OTUD7B: variants seen among roughly 807,000 people sequenced by gnomAD.
OTUD7B encodes OTU domain-containing protein 7B.
In OTUD7B, 34 loss-of-function variants were observed where a neutral mutation model predicts 82.2. The ratio of observed to expected loss-of-function variants is 0.41; its 90% CI spans 0.31 to 0.55. OTUD7B has a LOEUF of 0.55. Ranked by LOEUF, OTUD7B falls within the 20% of genes least tolerant of loss-of-function variation. OTUD7B has a pLI of 0.20. For synonymous variants in OTUD7B, 398 were observed against 402.7 expected, an observed-to-expected ratio of 0.99 and a Z score of 0.14; for missense variants, 944 against 1,062.1, an observed-to-expected ratio of 0.89 and a Z score of 1.55.
chr1:149,998,154 A>C (rs1652039286), intron 1 of OTUD7B, among the ~76,000 whole-genome samples: 1 of 152,118 alleles, frequency 6.6e-6, no homozygotes, highest in South Asian at 2.1e-4. Context: ...AATTCCCCTT[A>C]TCTCTCTTCA....
At position 149,965,760 on chromosome 1, in the gene OTUD7B, C is replaced by T. The variant is rs2101817519; in HGVS notation, c.604+17G>A. The T allele has an allele frequency of 6.3e-7, 1 of 1,582,628 alleles. No homozygotes were observed. Among genetic ancestry groups the T allele is most frequent in the East Asian group, 2.2e-5 (1 of 44,720 alleles). On this transcript the variant is annotated intron_variant, in intron 5 of 11. Coordinates refer to ENST00000581312, the MANE Select transcript of OTUD7B (RefSeq NM_020205.4). Reference sequence around the variant, plus strand: ...TTCCTTTCTGCAGGTGAATGGAGGACTGCTTTCAAGACTCACCAAGGGAGG... The same window carrying T: ...TTCCTTTCTGCAGGTGAATGGAGGATTGCTTTCAAGACTCACCAAGGGAGG...
the OTUD7B span, among the ~76,000 whole-genome samples, chr1:150,037,341 C>T: frequency 6.6e-6 from 1 of 150,792 alleles, no homozygotes; most frequent in African/African-American, 2.4e-5. Flanking sequence ...AAGCATTTGC[C>T]TTGTATAAAC....
intron 4 of OTUD7B, among the ~76,000 whole-genome samples, chr1:149,966,549 C>T (rs1432515267): frequency 6.6e-6 from 1 of 152,122 alleles, no homozygotes. Context: ...GAAAATAAGT[C>T]TTAATTCCAT....
At chr1:149,995,258 T>C (rs971567261) in intron 1 of OTUD7B, among the ~76,000 whole-genome samples, 1 of 152,186 alleles carries the variant, frequency 6.6e-6, no homozygotes, top group Non-Finnish European at 1.5e-5. Context: ...CTAAATTGAT[T>C]AGCTTTCCAA....
At chr1:149,946,232 G>A (rs7551741) in intron 11 of OTUD7B, among the ~76,000 whole-genome samples, 16,958 of 151,070 alleles carry the variant, frequency 0.11, 1,502 homozygotes, top group East Asian at 0.33. Context: ...ACATGGTGGC[G>A]GGCACCTGCA....
intron 7 of OTUD7B, among the ~76,000 whole-genome samples, chr1:149,950,949 G>A (rs1484663563): frequency 0.023 from 8 of 346 alleles, 1 homozygote; most frequent in Non-Finnish European, 0.065. Context: ...CCGCCACCTC[G>A]CCCGGTCTAA....
At chr1:150,044,500 TTA>T in the OTUD7B span, among the ~76,000 whole-genome samples, 1 of 151,714 alleles carries the variant, frequency 6.6e-6, no homozygotes, top group Non-Finnish European at 1.5e-5. Flanking sequence ...GAGCCACCTG[TTA>T]TATTACAGGC....
At chr1:150,007,179 CTTTCT>C (rs1652726217) in intron 1 of OTUD7B, among the ~76,000 whole-genome samples, 1 of 152,178 alleles carries the variant, frequency 6.6e-6, no homozygotes, top group Non-Finnish European at 1.5e-5. Context: ...TTGGAAGATC[CTTTCT>C]TTTCTTTTAT....
At chr1:150,032,517 C>T in the OTUD7B span, among the ~76,000 whole-genome samples, 1 of 146,732 alleles carries the variant, frequency 6.8e-6, no homozygotes, top group Non-Finnish European at 1.5e-5. Context: ...TGCCTGTAGT[C>T]CTAGCTACTT....
chr1:149,992,333 AT>A (rs1651625206), intron 1 of OTUD7B, among the ~76,000 whole-genome samples: 1 of 152,170 alleles, frequency 6.6e-6, no homozygotes, highest in South Asian at 2.1e-4. Context: ...TGTTATAACT[AT>A]TTTGTAGCAA....
At chr1:150,061,785 G>T in the OTUD7B span, among the ~76,000 whole-genome samples, 96 of 152,312 alleles carry the variant, frequency 6.3e-4, no homozygotes, top group East Asian at 8.3e-3. Context: ...AATGCCTCCA[G>T]AATGTCTAAA....
the OTUD7B span, among the ~76,000 whole-genome samples, chr1:150,030,968 T>G: frequency 6.6e-6 from 1 of 152,192 alleles, no homozygotes; most frequent in African/African-American, 2.4e-5. Flanking sequence ...AGACAGGGTT[T>G]CACCATGTTG....
intron 6 of OTUD7B, chr1:149,962,109 G>A (rs1196714031): frequency 1.3e-5 from 2 of 152,176 alleles, no homozygotes; most frequent in East Asian, 3.9e-4. Context: ...TAAAAATAAA[G>A]AGAGCAATGC....
chr1:149,949,840 A>G, intron 8 of OTUD7B, 62 bp from the exon 9 acceptor site: 1 of 1,536,356 alleles, frequency 6.5e-7, no homozygotes, highest in Non-Finnish European at 8.9e-7. Context: ...CAATCCCTAC[A>G]TCCCACTCTG....
intron 2 of OTUD7B, among the ~76,000 whole-genome samples, chr1:149,976,789 G>C (rs1290351825): frequency 2.0e-5 from 3 of 151,864 alleles, no homozygotes; most frequent in Non-Finnish European, 2.9e-5. Context: ...AAACCCTAAA[G>C]TCACTTCTAT....
chr1:149,985,218 G>C (rs1553780578), intron 1 of OTUD7B, among the ~76,000 whole-genome samples: 1 of 152,088 alleles, frequency 6.6e-6, no homozygotes, highest in African/African-American at 2.4e-5. Flanking sequence ...GACCAGCCTA[G>C]CCAACATGGT....
At chr1:150,054,505 T>G in the OTUD7B span, 1 of 486,266 alleles carries the variant, frequency 2.1e-6, no homozygotes, top group South Asian at 1.5e-5. Context: ...TTACTGATAC[T>G]TACTTCAAGA....
the OTUD7B span, among the ~76,000 whole-genome samples, chr1:150,037,280 C>G: frequency 6.7e-6 from 1 of 149,826 alleles, no homozygotes; most frequent in Non-Finnish European, 1.5e-5. Context: ...AGCTTATTGC[C>G]CATTCCTTAA....
chr1:149,949,580 A>AT (rs782703360), intron 9 of OTUD7B, 49 bp downstream of exon 9: 106 of 1,588,692 alleles, frequency 6.7e-5, no homozygotes, highest in Non-Finnish European at 8.8e-5. Context: ...ATCTCATTCA[A>AT]TTTTTTCAAG....
Sources: allele counts gnomAD v4.1 joint callset (sites outside exome capture counted in the v4.1 genomes callset), GRCh38; gene constraint gnomAD v4.1.1; transcripts MANE v1.5; gene names NCBI Gene and HGNC (gene_info 2026-07-23, HGNC 2026-07-21).